The following POLG variants were observed in gnomAD, a reference collection of about 807,000 sequenced individuals.
POLG encodes DNA polymerase gamma, catalytic subunit.
POLG carries 110 observed loss-of-function variants against 155.4 expected under a neutral mutation model. That is an observed-to-expected ratio of 0.71 (90% CI 0.61 to 0.83). The LOEUF (loss-of-function observed/expected upper bound fraction) is 0.83, where lower values mean the gene tolerates loss of function less well. Ranked by LOEUF, POLG falls within the 40% of genes least tolerant of loss-of-function variation. The pLI is 0.00. For missense variants in POLG, 1,685 were observed against 1,627.5 expected (o/e 1.04, Z -0.61); for synonymous variants, 701 against 631.5 (o/e 1.11, Z -1.65).
At chr15:89,331,304 CCCA>C (rs1426562623) in intron 2 of POLG, among the ~76,000 whole-genome samples, 3 of 151,978 alleles carry the variant, frequency 2.0e-5, no homozygotes, top group African/African-American at 4.8e-5. Flanking sequence ...TCCCCACCCC[CCCA>C]CATTTTAATT....
At chr15:89,322,990 A>C in intron 13 of POLG, 88 bp from the exon 14 acceptor site, 1 of 1,329,338 alleles carries the variant, frequency 7.5e-7, no homozygotes, top group Non-Finnish European at 1.1e-6. Flanking sequence ...TCCTCCCAAC[A>C]CTGAGCCCAG....
At position 89,316,470 on chromosome 15, in the gene POLG, T is replaced by G; in HGVS notation, c.*281A>C. ...AAAAGGAAAAAATAAATGAAATGCCTGAGTTAATGTGAACTTTGGGGCTTC... is the reference window on the plus strand; with the variant it reads ...AAAAGGAAAAAATAAATGAAATGCCGGAGTTAATGTGAACTTTGGGGCTTC... On this transcript the variant is annotated 3_prime_UTR_variant, in exon 23 of 23. Transcript: ENST00000268124. The G allele has an allele frequency of 6.2e-7, 1 of 1,603,560 alleles. No individual in the cohort carries two copies. Among genetic ancestry groups the G allele is most frequent in the African/African-American group, 1.3e-5 (1 of 74,614 alleles).
Position 89,328,798 on chromosome 15 carries a change from C to T in POLG, c.1057G>A (p.Val353Ile), listed in dbSNP as rs1319774669. 6.2e-7 allele frequency: 1 copy of T among 1,614,176 alleles called. No homozygotes were observed. The highest frequency in any genetic ancestry group is 2.2e-5 in the East Asian group (1 of 44,886). The change falls in exon 5 of 23, where the codon GTC (valine) becomes ATC (isoleucine). Residue 353 changes from valine (V) to isoleucine (I), a missense_variant. This residue lies in a region of POLG where 1,210 missense variants were observed against 1,167.1 expected (regional missense o/e 1.04). Coordinates refer to ENST00000268124, the MANE Select transcript of POLG (RefSeq NM_002693.3). ...SSWDWLDISS[V>I]NSLAEVHRLY... is the part of the protein sequence containing the mutation. Reference sequence around the variant, plus strand: ...CTGTGCACCTCTGCCAGACTGTTGACACTGCTGATGTCCAGCCAGTCCCAG... The same window carrying T: ...CTGTGCACCTCTGCCAGACTGTTGATACTGCTGATGTCCAGCCAGTCCCAG...
intron 18 of POLG, 122 bp downstream of exon 18, chr15:89,320,644 A>G (rs2152060804): frequency 1.8e-6 from 2 of 1,100,660 alleles, no homozygotes; most frequent in African/African-American, 1.5e-5. Context: ...CAGGTGTGGA[A>G]GGAGAGGGGC....
At chr15:89,325,103 A>AGG (rs1567189315) in intron 10 of POLG, among the ~76,000 whole-genome samples, 20 of 77,560 alleles carry the variant, frequency 2.6e-4, no homozygotes, top group Admixed American at 3.4e-4. Flanking sequence ...TGAGTGAGAG[A>AGG]GTGAGAGAGA....
At position 89,325,545 on chromosome 15, in the gene POLG, A is replaced by C; in HGVS notation, c.1854T>G (p.His618Gln). ...GCCCAGGCACCAAGTAGCCCCAGCC[A>C]TGACGCTCTGAGTAGTGCAGAGGGA... ...DGFPLHYSER[H>Q]GWGYLVPGRR... Residue 618 changes from histidine to glutamine, a missense_variant, in exon 10 of 23, where the codon CAT becomes CAG. His to Gln is a conservative substitution (Grantham distance 24). Around this residue, in one of 3 missense-constraint regions of POLG, gnomAD observed 1,210 missense variants for 1,167.1 expected, o/e 1.04. Coordinates refer to ENST00000268124, the MANE Select transcript of POLG (RefSeq NM_002693.3). The C allele has an allele frequency of 1.9e-6, 3 of 1,613,452 alleles. No homozygotes were observed. The highest frequency in any genetic ancestry group is 2.5e-6 in the Non-Finnish European group (3 of 1,180,004).
At chr15:89,326,403 G>T (rs867673133) in intron 9 of POLG, among the ~76,000 whole-genome samples, 10 of 152,326 alleles carry the variant, frequency 6.6e-5, no homozygotes, top group South Asian at 4.1e-4. Context: ...TGCACAGCAG[G>T]TGCTCACAAC....
At position 89,316,710 on chromosome 15, in the gene POLG, A is replaced by G. The variant is rs1209239371; in HGVS notation, c.*41T>C. On this transcript the variant is annotated 3_prime_UTR_variant, in exon 23 of 23. Transcript: ENST00000268124. ...GAGTTTGGGAGCCTGCACCACCCCG[A>G]TGAAGCTCCACGGGAGCAAATACAG... is the stretch of plus-strand genomic sequence containing the variant. 1 of 1,526,090 alleles carries G rather than the reference A, an allele frequency of 6.6e-7. No individual in the cohort carries two copies. Among genetic ancestry groups the G allele is most frequent in the East Asian group, 2.2e-5 (1 of 44,478 alleles). The allele number at this position is 1,526,090 out of a possible 1,614,324, so 94.5% of individuals were successfully genotyped here. A position where few individuals can be genotyped will look rare whatever the true frequency, so the allele number is the denominator to read the frequency against.
chr15:89,317,484 A>G lies in POLG; in HGVS notation c.3535T>C (p.Phe1179Leu). 6.2e-7 allele frequency: 1 copy of G among 1,614,128 alleles called. No homozygotes were observed. Among genetic ancestry groups the G allele is most frequent in the South Asian group, 1.1e-5 (1 of 91,074 alleles). Residue 1179 changes from phenylalanine (F) to leucine (L), a missense_variant, in exon 22 of 23, where the codon TTT becomes CTT. Physicochemically the swap from Phe to Leu is conservative, Grantham distance 22 (BLOSUM62 0). Transcript: ENST00000268124. ...CGGTCAATATCGACTGCACTGAAAA[A>G]GGCGACTGACTGGGGCAAGTCATTC... ...GLNDLPQSVA[F>L]FSAVDIDRCL... is the part of the protein sequence containing the mutation.
intron 10 of POLG, 110 bp from the exon 11 acceptor site, chr15:89,324,337 G>C: frequency 4.0e-6 from 5 of 1,255,334 alleles, no homozygotes; most frequent in Non-Finnish European, 5.6e-6. Flanking sequence ...CTCAGAATCA[G>C]CTCTGAGGCA....
At chr15:89,318,833 A>G (rs1455423692) in intron 20 of POLG, 84 bp from the exon 21 acceptor site, 2 of 1,565,850 alleles carry the variant, frequency 1.3e-6, no homozygotes, top group Non-Finnish European at 1.8e-6. Flanking sequence ...GAGAAGCTTC[A>G]CTCTGGCCCT....
In POLG at chr15:89,323,461, A is replaced by G. The variant is rs752523552; in HGVS notation, c.2208T>C (p.Asn736=). 2 of 1,614,088 alleles carry G rather than the reference A, an allele frequency of 1.2e-6. No homozygotes were observed. The highest frequency in any genetic ancestry group is 4.5e-5 in the East Asian group (2 of 44,872). The change falls in exon 13 of 23, where the codon AAT becomes AAC. Residue 736 remains asparagine, a synonymous_variant. Transcript: ENST00000268124. ...GGATGTCCACGTCGTTGTAAGGTCC[A>G]TTGCCATGGTGATAGCTGGGCTGGG... ...KDTQPSYHHG[N]GPYNDVDIPG...
In POLG at chr15:89,326,618, T is replaced by C. The variant is rs1473677898; in HGVS notation, c.1706A>G (p.His569Arg). The C allele has an allele frequency of 1.9e-6, 3 of 1,613,604 alleles. No individual in the cohort carries two copies. The highest frequency in any genetic ancestry group is 2.2e-5 in the South Asian group (2 of 91,080). Residue 569 changes from histidine to arginine, a missense_variant, in exon 9 of 23, where the codon CAC (histidine) becomes CGC (arginine). This residue lies in a region of POLG where 1,210 missense variants were observed against 1,167.1 expected (regional missense o/e 1.04). Coordinates refer to ENST00000268124, the MANE Select transcript of POLG (RefSeq NM_002693.3). ...GGGGGTGGGCAGGGCTCACCCAGGGTGTCCAGGAAGGTGCTGGGGCCGCTT... is the reference window on the plus strand; with the variant it reads ...GGGGGTGGGCAGGGCTCACCCAGGGCGTCCAGGAAGGTGCTGGGGCCGCTT... ...LPKRPQHLPG[H>R]PGWYRKLCPR...
Position 89,327,209 on chromosome 15 carries a change from ATCAACGACTTCT to A in POLG, c.1379_1390del (p.Lys460_Leu463del), listed in dbSNP as rs1204621325. The A allele has an allele frequency of 2.5e-6, 4 of 1,614,228 alleles. No individual in the cohort carries two copies. Among genetic ancestry groups the A allele is most frequent in the Non-Finnish European group, 2.5e-6 (3 of 1,180,036 alleles). ...CTGGCAGGCATCATTGGCCAGATCC[ATCAACGACTTCT>A]TCATCTCCCGCTGGAGCTCCTCATA... On this transcript the variant is annotated inframe_deletion, in exon 7 of 23. Coordinates refer to ENST00000268124, the MANE Select transcript of POLG (RefSeq NM_002693.3).
rs781311846 is a variant in POLG at position 89,317,417 on chromosome 15, GA to G, written c.3601del (p.Ser1201ProfsTer23). 2.5e-6 allele frequency: 4 copies of G among 1,613,964 alleles called. No individual in the cohort carries two copies. Among genetic ancestry groups the G allele is most frequent in the Non-Finnish European group, 3.4e-6 (4 of 1,179,986 alleles). ...KEVTMDCKTPSNPTGMERRYG... is the reference protein window; with the variant it reads ...KEVTMDCKTPXNPTGMERRYG... ...TCTCCTTTCCATCCCAGTTGGGTTG[GA>G]AGGGGTTTTACAATCCATGGTCACT... On this transcript the variant is annotated frameshift_variant, in exon 22 of 23. Transcript: ENST00000268124. LOFTEE classifies it high-confidence loss of function.
intron 21 of POLG, 22 bp from the exon 22 acceptor site, chr15:89,317,558 C>T: frequency 1.9e-6 from 3 of 1,612,004 alleles, no homozygotes; most frequent in Non-Finnish European, 2.5e-6. Flanking sequence ...CCAATCTACT[C>T]TCACAGTCAT....
Position 89,323,805 on chromosome 15 carries a change from C to A in POLG, c.2157+10G>T, listed in dbSNP as rs751357356. The A allele has an allele frequency of 2.5e-6, 4 of 1,610,432 alleles. No individual in the cohort carries two copies. Among genetic ancestry groups the A allele is most frequent in the Non-Finnish European group, 3.4e-6 (4 of 1,176,748 alleles). On this transcript the variant is annotated intron_variant, in intron 12 of 22. Transcript: ENST00000268124. ...CCCACCTAGAGAACCCAAGCCGGCG[C>A]ACTGCTCACCAGAGCTAGGGGTTGA...
rs766482176 is a variant in POLG at position 89,325,629 on chromosome 15, G to A, written c.1770C>T (p.Ser590=). ...TGACCCGCATCTGCAGGCTGAGGAG[G>A]CTGGGGCCCGGGGTCCATGCAGGGT... ...LDDPAWTPGP[S]LLSLQMRVTP... is the part of the protein sequence containing the mutation. Residue 590 remains serine (S), a synonymous_variant, in exon 10 of 23, where the codon AGC becomes AGT. Coordinates refer to ENST00000268124, the MANE Select transcript of POLG (RefSeq NM_002693.3). 1 of 1,613,130 alleles carries A rather than the reference G, an allele frequency of 6.2e-7. No individual in the cohort carries two copies.
Position 89,330,267 on chromosome 15 carries a change from C to T in POLG, c.669G>A (p.Trp223Ter). ...VAISPSAWYS[W>*]CSQRLVEERY... ...GCTCTTCCACCAGCCGCTGGCTGCACCAGGAATACCTGAGGGAGGTGAGAG... is the reference window on the plus strand; with the variant it reads ...GCTCTTCCACCAGCCGCTGGCTGCATCAGGAATACCTGAGGGAGGTGAGAG... Residue 223 changes from tryptophan to a stop codon, truncating the protein, a stop_gained, in exon 3 of 23, where the codon TGG becomes TGA. Coordinates refer to ENST00000268124, the MANE Select transcript of POLG (RefSeq NM_002693.3). LOFTEE classifies it high-confidence loss of function. The T allele has an allele frequency of 1.2e-6, 2 of 1,610,786 alleles. No individual in the cohort carries two copies. Among genetic ancestry groups the T allele is most frequent in the Non-Finnish European group, 1.7e-6 (2 of 1,179,776 alleles).
Sources: gnomAD v4.1 joint callset for allele counts (sites outside exome capture counted in the v4.1 genomes callset) on GRCh38, gnomAD v4.1.1 for gene constraint, gnomAD v4.1.1 regional missense constraint, MANE v1.5 for transcripts, NCBI Gene and HGNC (gene_info 2026-07-23, HGNC 2026-07-21) for gene names.